SCHIP1: variants seen among roughly 807,000 people sequenced by gnomAD.
SCHIP1 encodes the protein schwannomin-interacting protein 1.
In SCHIP1, 8 loss-of-function variants were observed where a neutral mutation model predicts 29.7. The observed-to-expected ratio is 0.27, with a 90% CI of 0.16 to 0.49. SCHIP1 has a LOEUF of 0.49. SCHIP1 is among the 20% of genes least tolerant of loss of function. SCHIP1 has a pLI of 0.99. For synonymous variants in SCHIP1, 76 were observed against 94.9 expected (o/e 0.80, Z 1.16); for missense variants, 193 against 294.6 (o/e 0.66, Z 2.52).
At chr3:159,519,691 T>C in the SCHIP1 span, among the ~76,000 whole-genome samples, 18 of 152,230 alleles carry the variant, frequency 1.2e-4, no homozygotes, top group African/African-American at 4.3e-4. Flanking sequence ...TATGAAAGCA[T>C]TGAATGTTTC....
chr3:159,677,672 C>T, the SCHIP1 span, among the ~76,000 whole-genome samples: 8 of 152,278 alleles, frequency 5.3e-5, no homozygotes, highest in African/African-American at 1.4e-4. Context: ...AGTCCACCAG[C>T]GTTAGGGAAA....
chr3:159,863,691 T>A (rs1014895039), intron 1 of SCHIP1, among the ~76,000 whole-genome samples: 1 of 152,212 alleles, frequency 6.6e-6, no homozygotes, highest in Non-Finnish European at 1.5e-5. Flanking sequence ...TTTATATTCT[T>A]TAAGCTTTTC....
the SCHIP1 span, among the ~76,000 whole-genome samples, chr3:159,395,976 A>T: frequency 6.6e-6 from 1 of 152,078 alleles, no homozygotes; most frequent in Non-Finnish European, 1.5e-5. Flanking sequence ...TAGGTCACTC[A>T]GGACTTGCTT....
chr3:159,331,364 G>A, the SCHIP1 span, among the ~76,000 whole-genome samples: 3 of 152,270 alleles, frequency 2.0e-5, no homozygotes, highest in Admixed American at 1.3e-4. Context: ...TCCTTCGGAT[G>A]TCCCTCCCAC....
chr3:159,557,645 A>G, the SCHIP1 span, among the ~76,000 whole-genome samples: 1 of 152,218 alleles, frequency 6.6e-6, no homozygotes, highest in Non-Finnish European at 1.5e-5. Flanking sequence ...GTGAGACACT[A>G]TCTTTAAAAA....
At chr3:159,570,269 G>A in the SCHIP1 span, among the ~76,000 whole-genome samples, 1 of 152,048 alleles carries the variant, frequency 6.6e-6, no homozygotes, top group Non-Finnish European at 1.5e-5. Flanking sequence ...GGGTTTTTAT[G>A]GTTTTAGGTC....
At chr3:159,887,542 C>A (rs1039347131) in intron 3 of SCHIP1, 166 bp from the exon 5 acceptor site, 1 of 712,850 alleles carries the variant, frequency 1.4e-6, no homozygotes, top group Non-Finnish European at 2.4e-6. Context: ...TTAAACTAGA[C>A]CCTTTTTCTG....
chr3:159,626,089 T>TATAGATAGATAGATAGATAGATAG, the SCHIP1 span, among the ~76,000 whole-genome samples: 1 of 98,104 alleles, frequency 1.0e-5, no homozygotes, highest in Non-Finnish European at 1.8e-5. Context: ...GTGCAGCTTA[T>TATAGATAGATAGATAGATAGATAG]ATAGATAGAT....
chr3:159,446,533 A>ATTGTTGCATTACAGCAATACAG, the SCHIP1 span, among the ~76,000 whole-genome samples: 23 of 140,396 alleles, frequency 1.6e-4, no homozygotes, highest in African/African-American at 6.3e-4. Context: ...CAGCAATACA[A>ATTGTTGCATTACAGCAATACAG]TATTGTTGCA....
the SCHIP1 span, among the ~76,000 whole-genome samples, chr3:159,382,671 G>T: frequency 8.6e-5 from 13 of 150,786 alleles, no homozygotes; most frequent in Non-Finnish European, 1.2e-4. Flanking sequence ...AGATCCCTGA[G>T]GAATCGCCAC....
chr3:159,423,930 G>A, the SCHIP1 span, among the ~76,000 whole-genome samples: 3 of 152,060 alleles, frequency 2.0e-5, no homozygotes, highest in South Asian at 6.2e-4. Context: ...AAACACCGCT[G>A]CTGATACCCA....
intron 2 of SCHIP1, among the ~76,000 whole-genome samples, chr3:159,877,890 T>C (rs1716005432): frequency 6.6e-6 from 1 of 152,208 alleles, no homozygotes; most frequent in East Asian, 1.9e-4. Flanking sequence ...GTCTGTAATT[T>C]ACTGCAGATC....
the SCHIP1 span, among the ~76,000 whole-genome samples, chr3:159,649,056 A>G: frequency 9.1e-4 from 138 of 152,294 alleles, no homozygotes; most frequent in Non-Finnish European, 1.5e-3. Flanking sequence ...ACTCTGATGG[A>G]AGGATTTCAG....
At chr3:159,494,004 T>G in the SCHIP1 span, among the ~76,000 whole-genome samples, 3 of 152,084 alleles carry the variant, frequency 2.0e-5, no homozygotes, top group Admixed American at 2.0e-4. Context: ...GAATGACTAC[T>G]GGGTACATAA....
the SCHIP1 span, among the ~76,000 whole-genome samples, chr3:159,672,725 C>T: frequency 6.6e-6 from 1 of 152,208 alleles, no homozygotes; most frequent in South Asian, 2.1e-4. Context: ...AGAATTTTTG[C>T]TCTATGAGAG....
the SCHIP1 span, among the ~76,000 whole-genome samples, chr3:159,440,606 A>C: frequency 3.3e-5 from 5 of 152,138 alleles, no homozygotes; most frequent in Admixed American, 2.6e-4. Context: ...GAATTGCCCC[A>C]ATTTTAATTC....
At chr3:159,539,395 G>C in the SCHIP1 span, among the ~76,000 whole-genome samples, 240 of 136,916 alleles carry the variant, frequency 1.8e-3, 54 homozygotes, top group South Asian at 0.03. Flanking sequence ...CAATATGTAT[G>C]TCATAATTAA....
At chr3:159,856,307 G>T (rs1261863563) in intron 1 of SCHIP1, among the ~76,000 whole-genome samples, 1 of 152,152 alleles carries the variant, frequency 6.6e-6, no homozygotes, top group Non-Finnish European at 1.5e-5. Context: ...CCGTCCCAAT[G>T]GGGGAGGCAC....
chr3:159,889,808 A>G (rs1051600734), intron 5 of SCHIP1, among the ~76,000 whole-genome samples: 1 of 152,234 alleles, frequency 6.6e-6, no homozygotes, highest in Non-Finnish European at 1.5e-5. Context: ...TTTAAAAAAG[A>G]AAAGCTGGCC....
Sources: gnomAD v4.1 joint callset for allele counts (sites outside exome capture counted in the v4.1 genomes callset) on GRCh38, gnomAD v4.1.1 for gene constraint, MANE v1.5 for transcripts, NCBI Gene and HGNC (gene_info 2026-07-23, HGNC 2026-07-21) for gene names.